The following FGFR1 variants were observed in gnomAD, a reference collection of about 807,000 sequenced individuals.
FGFR1 encodes the protein FGFR1/PLAG1 fusion.
A neutral mutation model predicts 93.7 loss-of-function variants in FGFR1; 18 were observed. The observed-to-expected ratio is 0.19, with a 90% CI of 0.13 to 0.28. The LOEUF (loss-of-function observed/expected upper bound fraction) is 0.28, where lower values mean the gene tolerates loss of function less well. FGFR1 is among the 10% of genes least tolerant of loss of function. The pLI is 1.00. For synonymous variants in FGFR1, 448 were observed against 429.3 expected (o/e 1.04, Z -0.54); for missense variants, 731 against 1,080.4 (o/e 0.68, Z 4.53).
At chr8:38,415,485 A>G (rs1190025596) in intron 13 of FGFR1, among the ~76,000 whole-genome samples, 1 of 140,104 alleles carries the variant, frequency 7.1e-6, no homozygotes, top group African/African-American at 2.5e-5. Flanking sequence ...TTTTTTTTTT[A>G]AAGACGGGGT....
At position 38,411,280 on chromosome 8, in the gene FGFR1, T is replaced by C. The variant is rs572553909; in HGVS notation, c.*2348A>G. ...TTCTAGCACCTCTCCCAAGGACTTA[T>C]GAAGACTTTTAGATTCTTCATCCCT... On this transcript the variant is annotated 3_prime_UTR_variant, in exon 18 of 18. Coordinates refer to ENST00000447712, the MANE Select transcript of FGFR1 (RefSeq NM_023110.3). 9.5e-6 allele frequency: 2 copies of C among 210,356 alleles called. No individual in the cohort carries two copies. The highest frequency in any genetic ancestry group is 1.9e-4 in the South Asian group (1 of 5,340). 13.0% of individuals were successfully genotyped at this position (210,356 alleles called of 1,614,324 possible). A position where few individuals can be genotyped will look rare whatever the true frequency, so the allele number is the denominator to read the frequency against.
chr8:38,440,714 T>G (rs1271782347), intron 2 of FGFR1, among the ~76,000 whole-genome samples: 1 of 152,118 alleles, frequency 6.6e-6, no homozygotes, highest in Non-Finnish European at 1.5e-5. Flanking sequence ...AACTGCTGTG[T>G]TTGCCAGAGG....
intron 2 of FGFR1, among the ~76,000 whole-genome samples, chr8:38,454,104 C>T (rs748282629): frequency 2.6e-5 from 4 of 152,146 alleles, no homozygotes; most frequent in Non-Finnish European, 5.9e-5. Flanking sequence ...CTCTTACTCC[C>T]TTTCTTCTGT....
intron 1 of FGFR1, chr8:38,465,877 G>C (rs1835378889): frequency 4.5e-6 from 1 of 223,692 alleles, no homozygotes; most frequent in African/African-American, 2.2e-5. Flanking sequence ...GGGCACATCT[G>C]CGGAGGAAAC....
intron 2 of FGFR1, among the ~76,000 whole-genome samples, chr8:38,437,764 T>C (rs1825927801): frequency 6.6e-6 from 1 of 152,170 alleles, no homozygotes; most frequent in South Asian, 2.1e-4. Flanking sequence ...CCACCAAAGA[T>C]ATCCCAGGGA....
chr8:38,426,336 A>C lies in FGFR1; in HGVS notation c.622-91T>G. On this transcript the variant is annotated intron_variant, in intron 5 of 17. Coordinates refer to ENST00000447712, the MANE Select transcript of FGFR1 (RefSeq NM_023110.3). This position sits in a 1 kb window ranked among gnomAD's most constrained non-coding sequence, Gnocchi z 4.1. ...CGGCACCCCGTGGCACCTGCCCTCC[A>C]TATCAGAGCCTGGTGGCACAGGGCC... 1 of 1,574,236 alleles carries C rather than the reference A, an allele frequency of 6.4e-7. No individual in the cohort carries two copies. Among genetic ancestry groups the C allele is most frequent in the South Asian group, 1.1e-5 (1 of 89,842 alleles).
intron 1 of FGFR1, chr8:38,465,352 A>G (rs1835271599): frequency 4.3e-6 from 1 of 232,586 alleles, no homozygotes; most frequent in Non-Finnish European, 8.5e-6. Context: ...AAAAGCAGGC[A>G]GTGAAGTACG....
chr8:38,442,327 A>G (rs951254759), intron 2 of FGFR1, among the ~76,000 whole-genome samples: 2 of 151,618 alleles, frequency 1.3e-5, no homozygotes, highest in African/African-American at 4.8e-5. Context: ...GTGACAGTGC[A>G]TAAGAAAGAA....
At chr8:38,427,869 C>G (rs2150906713) in intron 5 of FGFR1, 52 bp downstream of exon 5, 1 of 1,603,378 alleles carries the variant, frequency 6.2e-7, no homozygotes, top group South Asian at 1.1e-5. Context: ...GACTTCCTAA[C>G]TCGGCCTCCC....
chr8:38,413,522 T>C lies in FGFR1; in HGVS notation c.*106A>G, dbSNP rs1815080608. ...AGGCCCCTGGTAGGCAGCCGGCTCC[T>C]GCCAGCAGGAAAGGGGACAGGGACG... On this transcript the variant is annotated 3_prime_UTR_variant, in exon 18 of 18. Transcript: ENST00000447712. The surrounding 1 kb of genome is among the most constrained non-coding windows in gnomAD (Gnocchi z 4.2). 7.5e-7 allele frequency: 1 copy of C among 1,340,456 alleles called. No individual in the cohort carries two copies. Among genetic ancestry groups the C allele is most frequent in the Non-Finnish European group, 1.0e-6 (1 of 985,546 alleles). 83.0% of individuals were successfully genotyped at this position (1,340,456 alleles called of 1,614,324 possible).
intron 2 of FGFR1, among the ~76,000 whole-genome samples, chr8:38,448,577 G>A (rs1432914108): frequency 6.6e-6 from 1 of 152,182 alleles, no homozygotes; most frequent in Non-Finnish European, 1.5e-5. Context: ...GCTGACTATA[G>A]AGAACTTTGC....
intron 2 of FGFR1, among the ~76,000 whole-genome samples, chr8:38,438,249 T>C (rs970986932): frequency 3.9e-5 from 6 of 152,110 alleles, no homozygotes; most frequent in African/African-American, 1.4e-4. Context: ...GAGTTAGAAT[T>C]ATTATCTTCG....
intron 2 of FGFR1, among the ~76,000 whole-genome samples, chr8:38,442,781 A>G (rs1366810587): frequency 6.6e-6 from 1 of 152,170 alleles, no homozygotes; most frequent in African/African-American, 2.4e-5. Flanking sequence ...TTGCTGATGA[A>G]TTAGTAGAGG....
chr8:38,429,184 T>C lies in FGFR1; in HGVS notation c.358+498A>G. 2.5e-6 allele frequency: 1 copy of C among 395,510 alleles called. No homozygotes were observed. Among genetic ancestry groups the C allele is most frequent in the Non-Finnish European group, 5.0e-6 (1 of 199,706 alleles). 24.5% of individuals were successfully genotyped at this position (395,510 alleles called of 1,614,324 possible). A position where few individuals can be genotyped will look rare whatever the true frequency, so the allele number is the denominator to read the frequency against. On this transcript the variant is annotated intron_variant, in intron 3 of 17. Transcript: ENST00000447712. The surrounding 1 kb of genome is among the most constrained non-coding windows in gnomAD (Gnocchi z 4.4). ...AAAGTCACATTCTAAGAGTGGCAAGTTCCCAAGTTCACAGAGCTCCAGGGC... is the reference window on the plus strand; with the variant it reads ...AAAGTCACATTCTAAGAGTGGCAAGCTCCCAAGTTCACAGAGCTCCAGGGC...
At chr8:38,462,995 C>G (rs1269519284) in intron 1 of FGFR1, 1 of 151,908 alleles carries the variant, frequency 6.6e-6, no homozygotes, top group Non-Finnish European at 1.5e-5. Context: ...GCCTCTGCCT[C>G]CTAGGCTCAA....
chr8:38,462,117 C>T (rs1361193305), intron 1 of FGFR1, among the ~76,000 whole-genome samples: 3 of 152,156 alleles, frequency 2.0e-5, no homozygotes, highest in Non-Finnish European at 4.4e-5. Flanking sequence ...TGTAAAGTAT[C>T]TCATCAATAA....
intron 7 of FGFR1, chr8:38,423,662 T>TAAAAAAAAAAAAAAAAAAAAAA (rs1209840278): frequency 8.7e-6 from 1 of 115,082 alleles, no homozygotes; most frequent in Non-Finnish European, 1.8e-5. Flanking sequence ...AGCATTTGAT[T>TAAAAAAAAAAAAAAAAAAAAAA]AAAAAAAAAA....
At chr8:38,462,200 C>A (rs1351612376) in intron 1 of FGFR1, among the ~76,000 whole-genome samples, 2 of 152,044 alleles carry the variant, frequency 1.3e-5, no homozygotes, top group African/African-American at 4.8e-5. Context: ...TCTAAACAAA[C>A]AAGTTAATTA....
chr8:38,450,713 C>T (rs532867630), intron 2 of FGFR1, among the ~76,000 whole-genome samples: 5 of 152,326 alleles, frequency 3.3e-5, no homozygotes, highest in South Asian at 4.1e-4. Flanking sequence ...TCCCTTCCCC[C>T]ACTGGCAGCA....
Sources: gnomAD v4.1 joint callset for allele counts (sites outside exome capture counted in the v4.1 genomes callset) on GRCh38, gnomAD v4.1.1 for gene constraint, Gnocchi (gnomAD v3.1) non-coding constraint, MANE v1.5 for transcripts, NCBI Gene and HGNC (gene_info 2026-07-23, HGNC 2026-07-21) for gene names.